Variants in NSD2 observed in about 807,000 individuals in gnomAD.
The protein encoded by NSD2 is nuclear receptor binding SET domain protein 2, also known as histone-lysine N-methyltransferase NSD2.
A neutral mutation model predicts 139.0 loss-of-function variants in NSD2; 12 were observed. The ratio of observed to expected loss-of-function variants is 0.09; its 90% CI spans 0.06 to 0.14. The LOEUF is 0.14. NSD2 is among the 10% of genes least tolerant of loss of function. The probability of loss-of-function intolerance (pLI) is 1.00; values close to 1 mark genes in which losing one functional copy is unlikely to be tolerated. For missense variants in NSD2, 1,155 were observed against 1,745.0 expected, an observed-to-expected ratio of 0.66 and a Z score of 6.02; for synonymous variants, 669 against 648.7, an observed-to-expected ratio of 1.03 and a Z score of -0.48.
chr4:1,952,647 T>C, intron 11 of NSD2: 3 of 958,868 alleles, frequency 3.1e-6, no homozygotes, highest in Non-Finnish European at 3.8e-6. Context: ...GAGTTCTTTA[T>C]GAAGACACAG....
rs1726611576 is a variant in NSD2 at position 1,972,618 on chromosome 4, C to T, written c.3373-2245C>T. Among the ~76,000 whole-genome samples, 1 of 152,208 alleles carries T rather than the reference C, an allele frequency of 6.6e-6. No individual in the cohort carries two copies. Among genetic ancestry groups the T allele is most frequent in the Non-Finnish European group, 1.5e-5 (1 of 68,048 alleles). Reference sequence around the variant, plus strand: ...GCCCACGTACCACGCACTGATGCCTCCCCTCACACCACTTATAAAGGCCAA... The same window carrying T: ...GCCCACGTACCACGCACTGATGCCTTCCCTCACACCACTTATAAAGGCCAA... On this transcript the variant is annotated intron_variant, in intron 18 of 21. Transcript: ENST00000508803. The surrounding 1 kb of genome is among the most constrained non-coding windows in gnomAD (Gnocchi z 4.0).
At chr4:1,912,181 T>C in intron 3 of NSD2, 1 of 344,782 alleles carries the variant, frequency 2.9e-6, no homozygotes, top group Non-Finnish European at 5.8e-6. Context: ...TGCCTTCCTC[T>C]CTCCTCCCCA....
At chr4:1,876,146 G>A (rs1229894048) in intron 1 of NSD2, among the ~76,000 whole-genome samples, 3 of 151,696 alleles carry the variant, frequency 2.0e-5, no homozygotes, top group Non-Finnish European at 4.4e-5. Context: ...CCTGGGAGGC[G>A]GAGCTTGCAG....
In NSD2 at chr4:1,904,133, G is replaced by C. The variant is rs567767715; in HGVS notation, c.598-83G>C. ...GGGGGTCTGTGTGTATTTGGACATT[G>C]TAGCCTGGTGAATCCTTGGTCTTCT... On this transcript the variant is annotated intron_variant, in intron 2 of 21. Transcript: ENST00000508803. 25 of 1,476,080 alleles carry C rather than the reference G, an allele frequency of 1.7e-5. No individual in the cohort carries two copies. The African/African-American group carries it at 2.8e-4, about 16-fold the overall frequency. The allele number at this position is 1,476,080 out of a possible 1,614,324, so 91.4% of individuals were successfully genotyped here. A position where few individuals can be genotyped will look rare whatever the true frequency, so the allele number is the denominator to read the frequency against.
intron 18 of NSD2, among the ~76,000 whole-genome samples, chr4:1,965,964 A>G (rs1399583286): frequency 6.6e-6 from 1 of 152,220 alleles, no homozygotes; most frequent in Non-Finnish European, 1.5e-5. Context: ...ACACAAAGCT[A>G]AATCATATCA....
At chr4:1,889,389 C>T (rs748017880) in intron 1 of NSD2, among the ~76,000 whole-genome samples, 1 of 151,932 alleles carries the variant, frequency 6.6e-6, no homozygotes, top group Non-Finnish European at 1.5e-5. Flanking sequence ...AGCTGAGGTT[C>T]TTGCTATGTT....
intron 1 of NSD2, among the ~76,000 whole-genome samples, chr4:1,872,599 A>T (rs866401719): frequency 1.6e-3 from 183 of 112,166 alleles, no homozygotes; most frequent in East Asian, 4.6e-3. Context: ...TGTGAGAGAG[A>T]GAGAGAGAGA....
chr4:1,925,558 C>A (rs1720785727), intron 5 of NSD2, among the ~76,000 whole-genome samples: 1 of 150,972 alleles, frequency 6.6e-6, no homozygotes, highest in South Asian at 2.1e-4. Flanking sequence ...GCCACCACAT[C>A]CGGCTAATTT....
chr4:1,971,056 TTAAAAA>T (rs1228420938), intron 18 of NSD2, among the ~76,000 whole-genome samples: 2 of 152,116 alleles, frequency 1.3e-5, no homozygotes, highest in Admixed American at 6.5e-5. Context: ...TTCTGGAAGG[TTAAAAA>T]TAAAATTGTG....
intron 2 of NSD2, among the ~76,000 whole-genome samples, chr4:1,903,160 C>T (rs376266710): frequency 2.0e-4 from 31 of 152,306 alleles, no homozygotes; most frequent in East Asian, 1.5e-3. Flanking sequence ...GGTTTTGGGC[C>T]GGCCTCTTCA....
intron 1 of NSD2, among the ~76,000 whole-genome samples, chr4:1,895,291 T>C (rs1460456840): frequency 6.6e-6 from 1 of 152,188 alleles, no homozygotes; most frequent in Non-Finnish European, 1.5e-5. Flanking sequence ...AGACAGACTG[T>C]TTTTCACCCT....
chr4:1,911,372 G>C (rs1369120867), intron 3 of NSD2, among the ~76,000 whole-genome samples: 1 of 152,000 alleles, frequency 6.6e-6, no homozygotes, highest in Non-Finnish European at 1.5e-5. Context: ...TGGGTGACTT[G>C]AGGTCAGGAG....
At chr4:1,886,157 C>G (rs2108686680) in intron 1 of NSD2, among the ~76,000 whole-genome samples, 1 of 152,250 alleles carries the variant, frequency 6.6e-6, no homozygotes, top group Middle Eastern at 3.4e-3. Context: ...CTGCTGTACT[C>G]CCCTTCAGAG....
rs1727722670 is a variant in NSD2, at chr4:1,981,155, T to C, written c.*2246T>C. 2 of 233,356 alleles carry C rather than the reference T, an allele frequency of 8.6e-6. No homozygotes were observed. Among genetic ancestry groups the C allele is most frequent in the South Asian group, 1.8e-4 (1 of 5,528 alleles). 14.5% of individuals were successfully genotyped at this position (233,356 alleles called of 1,614,324 possible). A position where few individuals can be genotyped will look rare whatever the true frequency, so the allele number is the denominator to read the frequency against. The stretch of plus-strand genomic sequence containing the variant: ...TTGATAATACTTCCAAATTTTATGA[T>C]TTTTCTGAAGGAAATAATGCAAACA... On this transcript the variant is annotated 3_prime_UTR_variant, in exon 22 of 22. Coordinates refer to ENST00000508803, the MANE Select transcript of NSD2 (RefSeq NM_001042424.3).
At chr4:1,903,718 AGAGT>A (rs1353593456) in intron 2 of NSD2, among the ~76,000 whole-genome samples, 1 of 151,426 alleles carries the variant, frequency 6.6e-6, no homozygotes, top group Non-Finnish European at 1.5e-5. Context: ...CCTTTAGCTG[AGAGT>A]GAGAGAGAAA....
At chr4:1,893,240 G>T (rs965665826) in intron 1 of NSD2, among the ~76,000 whole-genome samples, 4 of 152,116 alleles carry the variant, frequency 2.6e-5, no homozygotes, top group Non-Finnish European at 4.4e-5. Context: ...GTCCGAGACG[G>T]GTAGATCACC....
intron 9 of NSD2, chr4:1,940,191 C>T: frequency 9.2e-7 from 1 of 1,086,500 alleles, no homozygotes; most frequent in Non-Finnish European, 1.1e-6. Context: ...GCGACTCACA[C>T]ACCACACCTG....
At chr4:1,897,239 T>C (rs534803781) in intron 1 of NSD2, among the ~76,000 whole-genome samples, 1 of 151,670 alleles carries the variant, frequency 6.6e-6, no homozygotes, top group African/African-American at 2.4e-5. Flanking sequence ...CCCAGTACTT[T>C]GGGATGTTGA....
intron 3 of NSD2, among the ~76,000 whole-genome samples, chr4:1,905,695 G>T (rs1717801472): frequency 1.3e-5 from 2 of 152,220 alleles, no homozygotes; most frequent in Admixed American, 1.3e-4. Flanking sequence ...GGGTGCCCTT[G>T]CCTGAGTCCT....
Sources: gnomAD v4.1 joint callset for allele counts (sites outside exome capture counted in the v4.1 genomes callset) on GRCh38, gnomAD v4.1.1 for gene constraint, Gnocchi (gnomAD v3.1) non-coding constraint, MANE v1.5 for transcripts, NCBI Gene and HGNC (gene_info 2026-07-23, HGNC 2026-07-21) for gene names.